TXNRD1: variants seen among roughly 807,000 people sequenced by gnomAD.
The protein encoded by TXNRD1 is thioredoxin reductase 1, also known as thioredoxin reductase 1, cytoplasmic.
In TXNRD1, 57 loss-of-function variants were observed where a neutral mutation model predicts 80.3. The observed-to-expected ratio is 0.71, with a 90% CI of 0.57 to 0.89. TXNRD1 has a LOEUF of 0.89. Among genes scored for constraint, TXNRD1 ranks in the 40% least tolerant of loss-of-function variants. The probability of loss-of-function intolerance (pLI) is 0.00; values close to 1 mark genes in which losing one functional copy is unlikely to be tolerated. For synonymous variants in TXNRD1, 291 were observed against 285.2 expected (o/e 1.02, Z -0.20); for missense variants, 730 against 803.0 (o/e 0.91, Z 1.10).
At chr12:104,257,655 C>T (rs1375296050) in intron 2 of TXNRD1, among the ~76,000 whole-genome samples, 2 of 152,106 alleles carry the variant, frequency 1.3e-5, no homozygotes, top group Non-Finnish European at 1.5e-5. Context: ...GTGATCCACC[C>T]GTCTCAGCCT....
intron 4 of TXNRD1, among the ~76,000 whole-genome samples, chr12:104,303,015 G>A (rs905313595): frequency 6.6e-6 from 1 of 152,176 alleles, no homozygotes; most frequent in Non-Finnish European, 1.5e-5. Context: ...TACCCATTCA[G>A]TGTCGGTGGC....
chr12:104,316,278 G>A (rs1378835220), intron 7 of TXNRD1, among the ~76,000 whole-genome samples: 1 of 150,504 alleles, frequency 6.6e-6, no homozygotes, highest in East Asian at 2.0e-4. Flanking sequence ...TTTGTGGGGG[G>A]TGGGGGTTGT....
At chr12:104,216,784 A>G (rs559250640) in intron 1 of TXNRD1, among the ~76,000 whole-genome samples, 2 of 152,344 alleles carry the variant, frequency 1.3e-5, no homozygotes, top group South Asian at 2.1e-4. Flanking sequence ...CCTTTTTTAT[A>G]GGCTTGAGAA....
intron 3 of TXNRD1, chr12:104,287,519 A>G: frequency 1.3e-6 from 2 of 1,595,112 alleles, no homozygotes; most frequent in South Asian, 2.2e-5. Flanking sequence ...GAATATTAAG[A>G]AAGTATAACT....
At chr12:104,310,246 T>G (rs1593809988) in intron 4 of TXNRD1, 68 of 852,438 alleles carry the variant, frequency 8.0e-5, no homozygotes, top group East Asian at 8.5e-5. Flanking sequence ...GCCTCCCGGG[T>G]TCAAGCGCTT....
At chr12:104,282,876 T>C (rs1285127277) in intron 3 of TXNRD1, 1 of 152,224 alleles carries the variant, frequency 6.6e-6, no homozygotes, top group African/African-American at 2.4e-5. Context: ...ATAATTTTTT[T>C]TGTAGAGACA....
chr12:104,267,799 T>C (rs185763674), intron 3 of TXNRD1, among the ~76,000 whole-genome samples: 1,413 of 141,026 alleles, frequency 0.01, 9 homozygotes, highest in Non-Finnish European at 0.016. Context: ...TCCTTCCTTC[T>C]TTCCTTCCTT....
chr12:104,279,992 G>A (rs533369994), intron 3 of TXNRD1, among the ~76,000 whole-genome samples: 2 of 146,352 alleles, frequency 1.4e-5, no homozygotes, highest in East Asian at 4.0e-4. Context: ...GAACCCAGGA[G>A]GCAGAGGTTG....
chr12:104,295,214 C>CT (rs375344307), intron 4 of TXNRD1, among the ~76,000 whole-genome samples: 2 of 151,852 alleles, frequency 1.3e-5, no homozygotes, highest in Non-Finnish European at 2.9e-5. Context: ...ACACAAATCT[C>CT]TTTTTTTGCT....
chr12:104,332,910 G>A (rs1381353139), intron 14 of TXNRD1, among the ~76,000 whole-genome samples: 2 of 150,648 alleles, frequency 1.3e-5, no homozygotes, highest in Non-Finnish European at 2.9e-5. Flanking sequence ...ATTTTGATGC[G>A]TTTTTATATT....
intron 3 of TXNRD1, among the ~76,000 whole-genome samples, chr12:104,278,966 T>C (rs900563401): frequency 5.9e-5 from 9 of 152,236 alleles, no homozygotes; most frequent in African/African-American, 2.4e-5. Flanking sequence ...CAACAATTAT[T>C]TATTGATCAA....
intron 3 of TXNRD1, among the ~76,000 whole-genome samples, chr12:104,261,867 G>T (rs2033374491): frequency 6.6e-6 from 1 of 151,980 alleles, no homozygotes; most frequent in South Asian, 2.1e-4. Context: ...TCCTGCCTCA[G>T]CCTCCCAAGT....
chr12:104,346,172 C>G (rs535542491), intron 16 of TXNRD1: 29 of 367,858 alleles, frequency 7.9e-5, no homozygotes, highest in Non-Finnish European at 1.3e-4. Flanking sequence ...GCCACTGTTT[C>G]CAGCTAATAT....
intron 13 of TXNRD1, among the ~76,000 whole-genome samples, chr12:104,329,492 A>G (rs1593855919): frequency 1.3e-5 from 2 of 152,006 alleles, no homozygotes; most frequent in South Asian, 2.1e-4. Flanking sequence ...TACAAAATAT[A>G]CAAAAAATGA....
intron 3 of TXNRD1, among the ~76,000 whole-genome samples, chr12:104,282,150 A>T (rs2033892276): frequency 6.6e-6 from 1 of 152,168 alleles, no homozygotes; most frequent in Non-Finnish European, 1.5e-5. Flanking sequence ...GAAACAGGAG[A>T]GCTGTTACAT....
chr12:104,253,410 G>T (rs1026315547), intron 2 of TXNRD1, among the ~76,000 whole-genome samples: 12 of 151,974 alleles, frequency 7.9e-5, no homozygotes, highest in Non-Finnish European at 1.3e-4. Flanking sequence ...ATCCCTGGGG[G>T]TTTAGCTCAA....
chr12:104,314,176 C>T (rs1406060187), intron 6 of TXNRD1, among the ~76,000 whole-genome samples: 1 of 152,096 alleles, frequency 6.6e-6, no homozygotes, highest in Admixed American at 6.5e-5. Flanking sequence ...CTATTGAGGG[C>T]TTTGTAGGCC....
intron 16 of TXNRD1, among the ~76,000 whole-genome samples, chr12:104,339,918 T>G (rs2036266264): frequency 6.6e-6 from 1 of 152,244 alleles, no homozygotes. Context: ...AGCCAGTGGC[T>G]TCCAAGGTGT....
chr12:104,265,000 T>G (rs1262634198), intron 3 of TXNRD1, among the ~76,000 whole-genome samples: 2 of 152,318 alleles, frequency 1.3e-5, no homozygotes, highest in African/African-American at 4.8e-5. Flanking sequence ...CTGCCTGTAA[T>G]TCCAGTGTTT....
Sources: allele counts gnomAD v4.1 joint callset (sites outside exome capture counted in the v4.1 genomes callset), GRCh38; gene constraint gnomAD v4.1.1; transcripts MANE v1.5; gene names NCBI Gene and HGNC (gene_info 2026-07-23, HGNC 2026-07-21).